Variants in HYCC2 observed in about 807,000 individuals in gnomAD.
HYCC2 encodes hyccin PI4KA lipid kinase complex subunit 2, also known as hyccin 2.
At chr2:200,989,785 G>T in the HYCC2 span, among the ~76,000 whole-genome samples, 2 of 152,196 alleles carry the variant, frequency 1.3e-5, no homozygotes, top group African/African-American at 4.8e-5. Flanking sequence ...CTGCACTCCA[G>T]TATAGGTGAC....
the HYCC2 span, among the ~76,000 whole-genome samples, chr2:201,057,386 G>A: frequency 4.9e-3 from 752 of 152,238 alleles, 8 homozygotes; most frequent in Admixed American, 8.5e-3. Context: ...TGTTCTTCTC[G>A]TCACTATGAT....
At chr2:201,063,693 T>C in the HYCC2 span, 479 of 1,576,592 alleles carry the variant, frequency 3.0e-4, no homozygotes, top group Middle Eastern at 9.1e-4. Flanking sequence ...TCTGGAAACT[T>C]TGGTGGTGGT....
the HYCC2 span, among the ~76,000 whole-genome samples, chr2:201,046,554 G>T: frequency 6.6e-6 from 1 of 152,006 alleles, no homozygotes; most frequent in Admixed American, 6.6e-5. Flanking sequence ...TGTACCTTGG[G>T]AATTTTGAAC....
At chr2:201,002,046 T>C in the HYCC2 span, among the ~76,000 whole-genome samples, 3 of 151,736 alleles carry the variant, frequency 2.0e-5, no homozygotes, top group Admixed American at 6.6e-5. Context: ...AATAATTAGC[T>C]GAAAACGTGC....
the HYCC2 span, among the ~76,000 whole-genome samples, chr2:201,044,002 C>T: frequency 2.0e-5 from 3 of 152,110 alleles, no homozygotes; most frequent in East Asian, 1.9e-4. Flanking sequence ...TTACAGCATA[C>T]GCTACAGTGC....
At chr2:200,982,340 T>C in the HYCC2 span, among the ~76,000 whole-genome samples, 1 of 152,130 alleles carries the variant, frequency 6.6e-6, no homozygotes, top group Non-Finnish European at 1.5e-5. Flanking sequence ...AAAAACCCAT[T>C]TATGCTTACA....
chr2:201,029,314 C>T, the HYCC2 span, among the ~76,000 whole-genome samples: 4 of 152,212 alleles, frequency 2.6e-5, no homozygotes, highest in East Asian at 7.7e-4. Context: ...ACAACAGATG[C>T]TTTTACATTA....
At chr2:201,003,708 TA>T in the HYCC2 span, among the ~76,000 whole-genome samples, 444 of 128,142 alleles carry the variant, frequency 3.5e-3, no homozygotes, top group Admixed American at 4.4e-3. Flanking sequence ...GACTCCATCT[TA>T]AAAAAAAAAA....
At chr2:200,984,697 C>A in the HYCC2 span, among the ~76,000 whole-genome samples, 2 of 152,178 alleles carry the variant, frequency 1.3e-5, no homozygotes, top group African/African-American at 4.8e-5. Context: ...CCAGCCTGGG[C>A]AAATGGCAAG....
chr2:201,005,479 G>A, the HYCC2 span, among the ~76,000 whole-genome samples: 1 of 151,966 alleles, frequency 6.6e-6, no homozygotes, highest in South Asian at 2.1e-4. Flanking sequence ...AAGGAGCAGA[G>A]ATGATTCCTA....
At chr2:200,984,979 G>A in the HYCC2 span, among the ~76,000 whole-genome samples, 1 of 152,134 alleles carries the variant, frequency 6.6e-6, no homozygotes, top group East Asian at 1.9e-4. Flanking sequence ...TGGGCATGGT[G>A]ACATGCCTGT....
At chr2:201,064,945 T>C in the HYCC2 span, among the ~76,000 whole-genome samples, 1,090 of 152,304 alleles carry the variant, frequency 7.2e-3, 16 homozygotes, top group African/African-American at 0.025. Context: ...ACCAGGAAAT[T>C]GACATTGCTA....
the HYCC2 span, chr2:200,978,379 A>G: frequency 6.6e-6 from 1 of 151,880 alleles, no homozygotes; most frequent in South Asian, 2.1e-4. Context: ...CAAATGTTAC[A>G]GGGTCATAAA....
At chr2:200,982,820 G>A in the HYCC2 span, among the ~76,000 whole-genome samples, 14 of 152,048 alleles carry the variant, frequency 9.2e-5, no homozygotes, top group Non-Finnish European at 1.6e-4. Flanking sequence ...GCAGTGGCAC[G>A]ATCTTCAGCT....
chr2:200,992,442 G>A, the HYCC2 span: 1 of 1,037,280 alleles, frequency 9.6e-7, no homozygotes, highest in East Asian at 2.4e-5. Flanking sequence ...ATTGTTCCAA[G>A]TCCTGCTATT....
At chr2:200,985,427 G>A in the HYCC2 span, among the ~76,000 whole-genome samples, 14 of 152,194 alleles carry the variant, frequency 9.2e-5, no homozygotes, top group Non-Finnish European at 2.1e-4. Flanking sequence ...CTGGGAGGCT[G>A]AGGTGGGCAG....
chr2:200,997,270 A>C, the HYCC2 span: 1 of 487,168 alleles, frequency 2.1e-6, no homozygotes, highest in Non-Finnish European at 3.7e-6. Context: ...AAACCAAAAC[A>C]ACAACAACAA....
At chr2:201,055,951 G>A in the HYCC2 span, among the ~76,000 whole-genome samples, 1 of 152,170 alleles carries the variant, frequency 6.6e-6, no homozygotes, top group Non-Finnish European at 1.5e-5. Context: ...CACTTTGGGA[G>A]GCCGAGGCGG....
At chr2:201,014,351 G>C in the HYCC2 span, among the ~76,000 whole-genome samples, 1 of 151,934 alleles carries the variant, frequency 6.6e-6, no homozygotes, top group South Asian at 2.1e-4. Flanking sequence ...TACTTGAAAA[G>C]AAAAAACAAT....
Sources: gnomAD v4.1 joint callset for allele counts (sites outside exome capture counted in the v4.1 genomes callset) on GRCh38, gnomAD v4.1.1 for gene constraint, MANE v1.5 for transcripts, NCBI Gene and HGNC (gene_info 2026-07-23, HGNC 2026-07-21) for gene names.